NRCAM: variants seen among roughly 807,000 people sequenced by gnomAD.
NRCAM encodes the protein neuronal cell adhesion molecule, also known as NgCAM-related cell adhesion molecule.
NRCAM carries 83 observed loss-of-function variants against 156.5 expected under a neutral mutation model. That is an observed-to-expected ratio of 0.53 (90% CI 0.44 to 0.64). The LOEUF (loss-of-function observed/expected upper bound fraction) is 0.64, where lower values mean the gene tolerates loss of function less well. Among genes scored for constraint, NRCAM ranks in the 30% least tolerant of loss-of-function variants. The pLI, the probability that NRCAM is intolerant of heterozygous loss-of-function variation, is 0.00. For missense variants in NRCAM, 1,417 were observed against 1,597.3 expected, an observed-to-expected ratio of 0.89 and a Z score of 1.92; for synonymous variants, 538 against 563.9, an observed-to-expected ratio of 0.95 and a Z score of 0.65.
intron 12 of NRCAM, among the ~76,000 whole-genome samples, chr7:108,207,894 T>G (rs2082003893): frequency 6.6e-6 from 1 of 152,152 alleles, no homozygotes; most frequent in African/African-American, 2.4e-5. Context: ...TGATACAAAT[T>G]TCATTTTCTC....
chr7:108,367,682 A>G (rs2099600175), intron 2 of NRCAM, among the ~76,000 whole-genome samples: 1 of 152,072 alleles, frequency 6.6e-6, no homozygotes, highest in Non-Finnish European at 1.5e-5. Flanking sequence ...TCTGAAGGAG[A>G]GTCTCACCTT....
intron 30 of NRCAM, among the ~76,000 whole-genome samples, chr7:108,161,338 G>T (rs1405906786): frequency 1.3e-5 from 2 of 152,126 alleles, no homozygotes; most frequent in African/African-American, 4.8e-5. Flanking sequence ...TATTCCATCA[G>T]TCATAATATG....
chr7:108,441,869 G>A (rs886262822), intron 1 of NRCAM, among the ~76,000 whole-genome samples: 1 of 152,162 alleles, frequency 6.6e-6, no homozygotes, highest in African/African-American at 2.4e-5. Flanking sequence ...AGCCTAAAAT[G>A]CCTACATATT....
chr7:108,424,000 T>G (rs1175698226), intron 1 of NRCAM, among the ~76,000 whole-genome samples: 1 of 152,212 alleles, frequency 6.6e-6, no homozygotes, highest in Non-Finnish European at 1.5e-5. Flanking sequence ...TCCATGTGCT[T>G]CTCCCTCTCT....
intron 2 of NRCAM, among the ~76,000 whole-genome samples, chr7:108,336,440 C>T (rs918933744): frequency 1.3e-5 from 2 of 152,132 alleles, no homozygotes; most frequent in Admixed American, 6.5e-5. Flanking sequence ...GAATTAACAA[C>T]TAAAACGACT....
At chr7:108,185,444 A>AATGAC (rs1475082100) in intron 20 of NRCAM, among the ~76,000 whole-genome samples, 1 of 152,196 alleles carries the variant, frequency 6.6e-6, no homozygotes, top group Non-Finnish European at 1.5e-5. Flanking sequence ...AGCTGTTAAA[A>AATGAC]ATGACTGTCA....
At chr7:108,222,354 CT>C (rs1265643776) in intron 11 of NRCAM, among the ~76,000 whole-genome samples, 16 of 152,180 alleles carry the variant, frequency 1.1e-4, no homozygotes, top group Admixed American at 3.9e-4. Context: ...TCTTACAACA[CT>C]CCAAAGTTTT....
chr7:108,364,234 G>A (rs140268510), intron 2 of NRCAM, among the ~76,000 whole-genome samples: 289 of 152,070 alleles, frequency 1.9e-3, no homozygotes, highest in African/African-American at 6.8e-3. Context: ...ATACACAAAC[G>A]GAAACAAGAA....
At chr7:108,299,447 G>T (rs1200486000) in intron 3 of NRCAM, among the ~76,000 whole-genome samples, 1 of 152,112 alleles carries the variant, frequency 6.6e-6, no homozygotes, top group Admixed American at 6.5e-5. Context: ...TACAGTCCAA[G>T]AATTTTTTTT....
chr7:108,427,273 T>C (rs879765825), intron 1 of NRCAM, among the ~76,000 whole-genome samples: 1 of 152,152 alleles, frequency 6.6e-6, no homozygotes, highest in Non-Finnish European at 1.5e-5. Flanking sequence ...TAATGAACAA[T>C]ACAGGCAGAT....
chr7:108,285,370 T>C (rs970382194), intron 3 of NRCAM, among the ~76,000 whole-genome samples: 1 of 152,070 alleles, frequency 6.6e-6, no homozygotes, highest in African/African-American at 2.4e-5. Context: ...AGGTACTGGC[T>C]CTATCAGGGG....
intron 3 of NRCAM, among the ~76,000 whole-genome samples, chr7:108,265,659 A>C (rs1201197707): frequency 6.6e-6 from 1 of 152,194 alleles, no homozygotes; most frequent in Non-Finnish European, 1.5e-5. Flanking sequence ...TGTGCCAAGA[A>C]ATTTGCAAAC....
intron 13 of NRCAM, among the ~76,000 whole-genome samples, chr7:108,203,449 G>GC (rs1554557782): frequency 6.1e-5 from 9 of 148,322 alleles, no homozygotes; most frequent in African/African-American, 2.2e-4. Flanking sequence ...AATTTTTCCA[G>GC]TTTTTTTTTT....
intron 1 of NRCAM, among the ~76,000 whole-genome samples, chr7:108,445,794 A>G (rs1843501339): frequency 6.6e-6 from 1 of 152,192 alleles, no homozygotes; most frequent in Admixed American, 6.5e-5. Flanking sequence ...TGTCTCTAAT[A>G]TGGCACCACT....
intron 3 of NRCAM, among the ~76,000 whole-genome samples, chr7:108,241,575 C>T (rs958995362): frequency 6.6e-6 from 1 of 152,064 alleles, no homozygotes; most frequent in African/African-American, 2.4e-5. Flanking sequence ...CAATAAACTG[C>T]AAGTCTCCTC....
At chr7:108,425,337 A>G (rs1468213014) in intron 1 of NRCAM, among the ~76,000 whole-genome samples, 1 of 152,216 alleles carries the variant, frequency 6.6e-6, no homozygotes, top group African/African-American at 2.4e-5. Context: ...ATTTTCTCCC[A>G]ATATACATGG....
At chr7:108,312,961 G>A (rs1011529995) in intron 2 of NRCAM, among the ~76,000 whole-genome samples, 1 of 152,146 alleles carries the variant, frequency 6.6e-6, no homozygotes, top group East Asian at 1.9e-4. Flanking sequence ...TCCCATTAAA[G>A]GATTCCAGCC....
intron 3 of NRCAM, among the ~76,000 whole-genome samples, chr7:108,279,865 C>T (rs2097786575): frequency 6.6e-6 from 1 of 152,026 alleles, no homozygotes; most frequent in Non-Finnish European, 1.5e-5. Context: ...CAGCCTGCAA[C>T]ACCATCTTTA....
Position 108,148,717 on chromosome 7 carries a change from T to C in NRCAM, c.*1193A>G, listed in dbSNP as rs2039913962. On this transcript the variant is annotated 3_prime_UTR_variant, in exon 33 of 33. Coordinates refer to ENST00000379028, the MANE Select transcript of NRCAM (RefSeq NM_001037132.4). ...AGGTAAAGTCTTGGAGAATAATATA[T>C]TACTGTTGGCATGCTGTTGTATGCT... is the stretch of plus-strand genomic sequence containing the variant. 1 of 152,644 alleles carries C rather than the reference T, an allele frequency of 6.6e-6. No individual in the cohort carries two copies. The highest frequency in any genetic ancestry group is 1.5e-5 in the Non-Finnish European group (1 of 68,034). 9.5% of individuals were successfully genotyped at this position (152,644 alleles called of 1,614,324 possible).
Sources: allele counts gnomAD v4.1 joint callset (sites outside exome capture counted in the v4.1 genomes callset), GRCh38; gene constraint gnomAD v4.1.1; transcripts MANE v1.5; gene names NCBI Gene and HGNC (gene_info 2026-07-23, HGNC 2026-07-21).